The following PAM variants were observed in gnomAD, a reference collection of about 807,000 sequenced individuals.
The protein encoded by PAM is peptidyl-glycine alpha-amidating monooxygenase.
Under a neutral mutation model 122.1 loss-of-function variants are expected in PAM, and 72 were observed. That is an observed-to-expected ratio of 0.59 (90% CI 0.49 to 0.72). PAM has a LOEUF of 0.72. Ranked by LOEUF, PAM falls within the 30% of genes least tolerant of loss-of-function variation. PAM has a pLI of 0.00. For missense variants in PAM, 1,106 were observed against 1,183.7 expected (o/e 0.93, Z 0.96); for synonymous variants, 389 against 404.4 (o/e 0.96, Z 0.46).
At chr5:102,814,205 A>G (rs527852007) in intron 1 of PAM, among the ~76,000 whole-genome samples, 2 of 152,314 alleles carry the variant, frequency 1.3e-5, no homozygotes, top group East Asian at 3.9e-4. Context: ...GATTTTAGTA[A>G]ATTCAAACCT....
intron 1 of PAM, among the ~76,000 whole-genome samples, chr5:102,858,962 C>T (rs1339196544): frequency 6.6e-6 from 1 of 152,078 alleles, no homozygotes; most frequent in Non-Finnish European, 1.5e-5. Flanking sequence ...ATCATAATGT[C>T]AATGCATTAC....
intron 1 of PAM, among the ~76,000 whole-genome samples, chr5:102,854,180 A>C (rs1000454130): frequency 6.6e-6 from 1 of 152,224 alleles, no homozygotes; most frequent in African/African-American, 2.4e-5. Context: ...TGAGCATTAA[A>C]TGAAATTATA....
intron 18 of PAM, among the ~76,000 whole-genome samples, chr5:103,005,526 T>A: frequency 6.6e-6 from 1 of 152,128 alleles, no homozygotes; most frequent in East Asian, 1.9e-4. Flanking sequence ...GGCTGCTAAT[T>A]TCTCATAGTA....
At chr5:102,996,248 C>T (rs902069616) in intron 16 of PAM, among the ~76,000 whole-genome samples, 1 of 152,140 alleles carries the variant, frequency 6.6e-6, no homozygotes, top group Non-Finnish European at 1.5e-5. Context: ...CAACTGAGTG[C>T]TTTTCCAGAG....
At chr5:102,813,962 A>G (rs1178297401) in intron 1 of PAM, among the ~76,000 whole-genome samples, 1 of 152,132 alleles carries the variant, frequency 6.6e-6, no homozygotes, top group Non-Finnish European at 1.5e-5. Flanking sequence ...CTTAGAGAAG[A>G]CTGTGCCCCA....
intron 5 of PAM, among the ~76,000 whole-genome samples, chr5:102,915,005 T>A (rs1299966080): frequency 6.6e-6 from 1 of 152,096 alleles, no homozygotes; most frequent in Non-Finnish European, 1.5e-5. Context: ...CCCCATAAGT[T>A]TACAGCATAA....
chr5:102,982,323 C>T (rs1168941698), intron 15 of PAM, among the ~76,000 whole-genome samples: 4 of 152,154 alleles, frequency 2.6e-5, no homozygotes, highest in Non-Finnish European at 4.4e-5. Context: ...AGGATAGGTT[C>T]AGTGCTGATA....
intron 1 of PAM, among the ~76,000 whole-genome samples, chr5:102,863,740 G>A (rs1581083905): frequency 6.9e-6 from 1 of 145,794 alleles, no homozygotes; most frequent in African/African-American, 2.5e-5. Context: ...ATTATTATAT[G>A]TTCTACATTA....
chr5:102,969,612 GAGA>G (rs1034821016), intron 14 of PAM, among the ~76,000 whole-genome samples: 1 of 152,192 alleles, frequency 6.6e-6, no homozygotes, highest in African/African-American at 2.4e-5. Flanking sequence ...TGGTTAGAGA[GAGA>G]AGAACACAGT....
intron 15 of PAM, among the ~76,000 whole-genome samples, chr5:102,984,861 A>C (rs1771219367): frequency 6.6e-6 from 1 of 152,196 alleles, no homozygotes; most frequent in South Asian, 2.1e-4. Context: ...AAATTTTAAA[A>C]ATAGAAATTA....
intron 1 of PAM, among the ~76,000 whole-genome samples, chr5:102,830,209 C>T (rs931205557): frequency 6.6e-6 from 1 of 152,166 alleles, no homozygotes; most frequent in Non-Finnish European, 1.5e-5. Context: ...TATATCTGTA[C>T]CTGCATTGCG....
intron 1 of PAM, among the ~76,000 whole-genome samples, chr5:102,830,732 A>G (rs1239336018): frequency 6.6e-6 from 1 of 152,236 alleles, no homozygotes; most frequent in Non-Finnish European, 1.5e-5. Context: ...AATGTGGCCC[A>G]TGCCTATTTC....
chr5:102,903,816 A>G (rs912409489), intron 4 of PAM, among the ~76,000 whole-genome samples: 2 of 151,598 alleles, frequency 1.3e-5, no homozygotes, highest in Non-Finnish European at 3.0e-5. Context: ...TATCAAGTGC[A>G]TAGGTGGAGC....
chr5:102,958,972 T>C (rs943053065), intron 12 of PAM, among the ~76,000 whole-genome samples: 1 of 152,128 alleles, frequency 6.6e-6, no homozygotes, highest in Non-Finnish European at 1.5e-5. Context: ...AACTTTGCTA[T>C]GTAAAAGTCT....
At chr5:102,849,127 A>G (rs899436744) in intron 1 of PAM, among the ~76,000 whole-genome samples, 3 of 152,204 alleles carry the variant, frequency 2.0e-5, no homozygotes, top group Admixed American at 6.5e-5. Context: ...GAGGGACAAT[A>G]TCCTTAAAAT....
intron 15 of PAM, among the ~76,000 whole-genome samples, chr5:102,987,110 A>G (rs1772106996): frequency 6.6e-6 from 1 of 152,166 alleles, no homozygotes; most frequent in Non-Finnish European, 1.5e-5. Flanking sequence ...TGTTTACTGC[A>G]ATACTATTTA....
chr5:103,028,136 A>G lies in PAM; in HGVS notation c.2690-49A>G, dbSNP rs764699732. The G allele has an allele frequency of 4.1e-6, 6 of 1,462,646 alleles. No individual in the cohort carries two copies. In the African/African-American group the frequency reaches 4.2e-5, roughly 10 times the overall value. The allele number at this position is 1,462,646 out of a possible 1,614,324, so 90.6% of individuals were successfully genotyped here. On this transcript the variant is annotated intron_variant, in intron 24 of 25. Transcript: ENST00000438793. Reference sequence around the variant, plus strand: ...AGTTGGAAGTTGAGTGCATGGGTTGAGAAAGATGACTGGGACTCATTTTGA... The same window carrying G: ...AGTTGGAAGTTGAGTGCATGGGTTGGGAAAGATGACTGGGACTCATTTTGA...
In PAM at chr5:102,774,584, A is replaced by G. The variant is rs572880442; in HGVS notation, c.-374+19236A>G. Among the ~76,000 whole-genome samples, 8 of 152,276 alleles carry G rather than the reference A, an allele frequency of 5.3e-5. No homozygotes were observed. In the East Asian group the frequency reaches 1.5e-3, roughly 29 times the overall value. On this transcript the variant is annotated intron_variant, in intron 1 of 25. Coordinates refer to ENST00000438793, the MANE Select transcript of PAM (RefSeq NM_001177306.2). ...ATGATACAGGGTAAGAAGTCTGTAC[A>G]TAAGTATTGCTATTTCTTTAATTAC...
At chr5:102,881,045 A>C (rs976297035) in intron 3 of PAM, among the ~76,000 whole-genome samples, 2 of 151,816 alleles carry the variant, frequency 1.3e-5, no homozygotes, top group African/African-American at 4.8e-5. Flanking sequence ...AAAATAACTG[A>C]AATTTATATA....
Sources: allele counts gnomAD v4.1 joint callset (sites outside exome capture counted in the v4.1 genomes callset), GRCh38; gene constraint gnomAD v4.1.1; transcripts MANE v1.5; gene names NCBI Gene and HGNC (gene_info 2026-07-23, HGNC 2026-07-21).